Variants in IMMP1L observed in about 807,000 individuals in gnomAD.
The protein encoded by IMMP1L is mitochondrial inner membrane protease subunit 1.
In IMMP1L, 24 loss-of-function variants were observed where a neutral mutation model predicts 21.8. The observed-to-expected ratio is 1.10, with a 90% CI of 0.80 to 1.55. The LOEUF (loss-of-function observed/expected upper bound fraction) is 1.55. Among genes scored for constraint, IMMP1L ranks in the 40% most tolerant of loss-of-function variants. IMMP1L has a pLI of 0.00. For missense variants in IMMP1L, 195 were observed against 200.7 expected, an observed-to-expected ratio of 0.97 and a Z score of 0.17; for synonymous variants, 46 against 62.8, an observed-to-expected ratio of 0.73 and a Z score of 1.26.
At position 31,502,472 on chromosome 11, in the gene IMMP1L, T is replaced by C. The variant is rs571092724; in HGVS notation, c.-30+7047A>G. ...TAAATTTCACTCTAACACTACCCATTGGTCCAGGATTTATTTATTTCTTTA... is the reference window on the plus strand; with the variant it reads ...TAAATTTCACTCTAACACTACCCATCGGTCCAGGATTTATTTATTTCTTTA... On this transcript the variant is annotated intron_variant, in intron 1 of 5. Coordinates refer to ENST00000532287, the MANE Select transcript of IMMP1L (RefSeq NM_001304274.2). Among the ~76,000 whole-genome samples the C allele has an allele frequency of 2.6e-5, 4 of 152,318 alleles. No homozygotes were observed. The South Asian group carries it at 8.3e-4, about 32-fold the overall frequency.
chr11:31,438,046 T>A (rs1246805050), intron 4 of IMMP1L, among the ~76,000 whole-genome samples: 1 of 152,212 alleles, frequency 6.6e-6, no homozygotes, highest in African/African-American at 2.4e-5. Flanking sequence ...TGAACATTCA[T>A]GTACAAGTCT....
chr11:31,469,274 G>C (rs1954464685), intron 1 of IMMP1L, among the ~76,000 whole-genome samples: 1 of 151,534 alleles, frequency 6.6e-6, no homozygotes, highest in South Asian at 2.1e-4. Context: ...AGAAAAAAAA[G>C]TACAAAACAG....
intron 2 of IMMP1L, 102 bp downstream of exon 2, chr11:31,463,070 T>C: frequency 1.2e-6 from 1 of 826,640 alleles, no homozygotes; most frequent in Non-Finnish European, 1.8e-6. Context: ...AGTTTAGTCA[T>C]TAAATAACTT....
intron 1 of IMMP1L, among the ~76,000 whole-genome samples, chr11:31,489,805 A>G (rs939448040): frequency 6.6e-6 from 1 of 152,078 alleles, no homozygotes; most frequent in Non-Finnish European, 1.5e-5. Flanking sequence ...CTGTAACAAT[A>G]GTCTGTTTAA....
intron 1 of IMMP1L, among the ~76,000 whole-genome samples, chr11:31,497,377 C>T (rs1268506107): frequency 6.6e-6 from 1 of 151,730 alleles, no homozygotes; most frequent in Non-Finnish European, 1.5e-5. Context: ...TTGGCAAATT[C>T]ACTGAGAGTA....
chr11:31,445,777 T>C (rs1024725781), intron 4 of IMMP1L, among the ~76,000 whole-genome samples: 2 of 151,186 alleles, frequency 1.3e-5, no homozygotes, highest in Non-Finnish European at 2.9e-5. Flanking sequence ...CAGGCTGGAG[T>C]GCAGTGGCAC....
intron 3 of IMMP1L, among the ~76,000 whole-genome samples, chr11:31,460,073 C>T (rs1468678998): frequency 3.3e-5 from 5 of 152,022 alleles, no homozygotes; most frequent in African/African-American, 1.2e-4. Flanking sequence ...GGAAGGATCA[C>T]TGGAGCCCAG....
intron 1 of IMMP1L, among the ~76,000 whole-genome samples, chr11:31,480,930 A>T (rs1382644343): frequency 6.6e-6 from 1 of 152,284 alleles, no homozygotes; most frequent in Non-Finnish European, 1.5e-5. Context: ...GCATATGCAC[A>T]AAAGAGCTTT....
chr11:31,440,252 C>A (rs1196520461), intron 4 of IMMP1L, among the ~76,000 whole-genome samples: 1 of 152,160 alleles, frequency 6.6e-6, no homozygotes, highest in Non-Finnish European at 1.5e-5. Flanking sequence ...TAGTTTCATA[C>A]TGCCTGCTAT....
At chr11:31,458,639 C>T (rs1954029214) in intron 3 of IMMP1L, among the ~76,000 whole-genome samples, 1 of 152,068 alleles carries the variant, frequency 6.6e-6, no homozygotes. Flanking sequence ...ATCTTGAGTT[C>T]TGTGCTGTGG....
At chr11:31,457,834 G>A (rs1163178866) in intron 3 of IMMP1L, among the ~76,000 whole-genome samples, 3 of 152,254 alleles carry the variant, frequency 2.0e-5, no homozygotes, top group South Asian at 2.1e-4. Context: ...GATCTCTTGA[G>A]GCTATTCTTG....
chr11:31,448,443 A>G (rs1243678025), intron 4 of IMMP1L, among the ~76,000 whole-genome samples: 1 of 152,196 alleles, frequency 6.6e-6, no homozygotes, highest in African/African-American at 2.4e-5. Flanking sequence ...CTGTGTTACA[A>G]TTTTGTTCTT....
chr11:31,484,813 G>A lies in IMMP1L; in HGVS notation c.-29-21508C>T, dbSNP rs140039982. 1.4e-3 allele frequency among the ~76,000 whole-genome samples: 216 copies of A among 151,884 alleles called. 2 individuals are homozygous for A. The highest frequency in any genetic ancestry group is 2.7e-3 in the Non-Finnish European group (181 of 67,784). ...CTTTGTTTATAAGGCAATTTCCAAC[G>A]ATGTGCTCACTGCAATAAACTACAT... On this transcript the variant is annotated intron_variant, in intron 1 of 5. Transcript: ENST00000532287.
chr11:31,483,938 T>C (rs945713087), intron 1 of IMMP1L, among the ~76,000 whole-genome samples: 4 of 151,898 alleles, frequency 2.6e-5, no homozygotes, highest in African/African-American at 9.7e-5. Context: ...ATCAATATGA[T>C]TTATAATACT....
At chr11:31,496,126 A>C (rs12576253) in intron 1 of IMMP1L, among the ~76,000 whole-genome samples, 8,749 of 151,064 alleles carry the variant, frequency 0.058, 379 homozygotes, top group Non-Finnish European at 0.089. Context: ...CAAAAAAAAA[A>C]AAAACAAAGC....
intron 1 of IMMP1L, among the ~76,000 whole-genome samples, chr11:31,483,486 G>A (rs1459044610): frequency 6.6e-6 from 1 of 151,884 alleles, no homozygotes; most frequent in East Asian, 1.9e-4. Flanking sequence ...TAACTTCCTG[G>A]ATGCTTATAA....
intron 4 of IMMP1L, among the ~76,000 whole-genome samples, chr11:31,441,737 T>A (rs1383488099): frequency 3.9e-5 from 6 of 152,142 alleles, no homozygotes; most frequent in Admixed American, 2.6e-4. Context: ...AATGGTAGAT[T>A]AACATGTATT....
chr11:31,440,785 C>T (rs951896369), intron 4 of IMMP1L, among the ~76,000 whole-genome samples: 9 of 152,262 alleles, frequency 5.9e-5, no homozygotes, highest in African/African-American at 2.2e-4. Flanking sequence ...TTTGGCATCT[C>T]CATCTTGCAT....
intron 4 of IMMP1L, chr11:31,449,088 T>C (rs1430890799): frequency 8.1e-6 from 8 of 985,250 alleles, no homozygotes; most frequent in Middle Eastern, 5.2e-4. Context: ...TTTATCACTA[T>C]AGTCTGCAAA....
Sources: gnomAD v4.1 joint callset for allele counts (sites outside exome capture counted in the v4.1 genomes callset) on GRCh38, gnomAD v4.1.1 for gene constraint, MANE v1.5 for transcripts, NCBI Gene and HGNC (gene_info 2026-07-23, HGNC 2026-07-21) for gene names.